RELA: variants seen among roughly 807,000 people sequenced by gnomAD.
RELA encodes RELA proto-oncogene, NF-kB subunit.
Under a neutral mutation model 56.7 loss-of-function variants are expected in RELA, and 14 were observed. That is an observed-to-expected ratio of 0.25 (90% CI 0.16 to 0.39). The LOEUF is 0.39. Ranked by LOEUF, RELA falls within the 10% of genes least tolerant of loss-of-function variation. RELA has a pLI of 1.00. For synonymous variants in RELA, 315 were observed against 289.7 expected (o/e 1.09, Z -0.89); for missense variants, 559 against 736.4 (o/e 0.76, Z 2.79).
At position 65,653,863 on chromosome 11, in the gene RELA, G is replaced by A. The variant is rs1856344549; in HGVS notation, c.*515C>T. On this transcript the variant is annotated 3_prime_UTR_variant, in exon 11 of 11. Coordinates refer to ENST00000406246, the MANE Select transcript of RELA (RefSeq NM_021975.4). ...TGGTTGAGCAAGGAAAGAGCCGGCA[G>A]AGACCTCTGTAGGGCAGGAAGGCCA... 1 of 186,168 alleles carries A rather than the reference G, an allele frequency of 5.4e-6. No individual in the cohort carries two copies. The highest frequency in any genetic ancestry group is 2.4e-5 in the African/African-American group (1 of 41,600). 11.5% of individuals were successfully genotyped at this position (186,168 alleles called of 1,614,324 possible).
At chr11:65,661,864 C>A (rs771377116) in intron 3 of RELA, 29 bp from the exon 4 acceptor site, 1 of 1,602,384 alleles carries the variant, frequency 6.2e-7, no homozygotes, top group Non-Finnish European at 8.5e-7. Flanking sequence ...CCCAGACATC[C>A]AAACCTGACT....
In RELA at chr11:65,658,861, G is replaced by A. The variant is rs369584835; in HGVS notation, c.560-39C>T. ...AACAAGGGAGGATGACCTGAGCCAC[G>A]AGAGGTCCCCAGGGTGGCCTGCAGG... is the stretch of plus-strand genomic sequence containing the variant. On this transcript the variant is annotated intron_variant, in intron 6 of 10. Coordinates refer to ENST00000406246, the MANE Select transcript of RELA (RefSeq NM_021975.4). The surrounding 1 kb of genome is among the most constrained non-coding windows in gnomAD (Gnocchi z 4.5). 1.1e-5 allele frequency: 17 copies of A among 1,555,192 alleles called. No individual in the cohort carries two copies. The highest frequency in any genetic ancestry group is 6.7e-5 in the East Asian group (3 of 44,534).
chr11:65,660,005 T>A, intron 5 of RELA, 119 bp downstream of exon 5: 3 of 1,190,090 alleles, frequency 2.5e-6, no homozygotes, highest in Middle Eastern at 2.3e-4. Flanking sequence ...AGTGGGAGAG[T>A]ACTGAATGGG....
At chr11:65,660,414 C>T (rs1856534737) in intron 4 of RELA, 199 bp from the exon 5 acceptor site, 2 of 601,568 alleles carry the variant, frequency 3.3e-6, no homozygotes, top group East Asian at 5.6e-5. Flanking sequence ...CTGCCCCTGC[C>T]AGCCTCCCTG....
Position 65,662,166 on chromosome 11 carries a change from G to A in RELA, c.34+13C>T, listed in dbSNP as rs1023023473. 2 of 1,590,266 alleles carry A rather than the reference G, an allele frequency of 1.3e-6. No individual in the cohort carries two copies. The highest frequency in any genetic ancestry group is 1.1e-5 in the South Asian group (1 of 88,442). On this transcript the variant is annotated intron_variant, in intron 2 of 10. Coordinates refer to ENST00000406246, the MANE Select transcript of RELA (RefSeq NM_021975.4). Reference sequence around the variant, plus strand: ...CAGGGAGCACCTCCCCGACCGCCGCGGGGGCCACTTACCTGCCGGGAAGAT... The same window carrying A: ...CAGGGAGCACCTCCCCGACCGCCGCAGGGGCCACTTACCTGCCGGGAAGAT...
rs757961591 is a variant in RELA at position 65,662,075 on chromosome 11, G to C, written c.48C>G (p.Ala16=). 8 of 1,610,900 alleles carry C rather than the reference G, an allele frequency of 5.0e-6. No homozygotes were observed. Among genetic ancestry groups the C allele is most frequent in the African/African-American group, 2.7e-5 (2 of 74,836 alleles). ...CAATGATCTCCACATAGGGGCCAGAGGCCTGGGCTGGCTCTGCCAGGGGAC... is the reference window on the plus strand; with the variant it reads ...CAATGATCTCCACATAGGGGCCAGACGCCTGGGCTGGCTCTGCCAGGGGAC... The part of the protein sequence containing the change: ...PLIFPAEPAQ[A]SGPYVEIIEQ... Residue 16 remains alanine (A), a synonymous_variant, in exon 3 of 11, where the codon GCC becomes GCG. Coordinates refer to ENST00000406246, the MANE Select transcript of RELA (RefSeq NM_021975.4).
intron 4 of RELA, chr11:65,660,753 G>A (rs902853101): frequency 6.4e-6 from 1 of 155,278 alleles, no homozygotes; most frequent in Admixed American, 6.4e-5. Context: ...GAGACACAGT[G>A]TCGGGCCGGG....
intron 10 of RELA, chr11:65,655,258 G>A: frequency 3.5e-6 from 2 of 576,622 alleles, no homozygotes; most frequent in Non-Finnish European, 6.1e-6. Context: ...GGGACACTTG[G>A]AGAGATAAGC....
In RELA at chr11:65,654,699, A is replaced by G. The variant is rs2135549147; in HGVS notation, c.1335T>C (p.Phe445=). ...TLSEALLQLQ[F]DDEDLGALLG... ...GCAAGGCCCCCAGGTCTTCATCATC[A>G]AACTGCAGCTGCAGCAGGGCCTCTG... is the stretch of plus-strand genomic sequence containing the variant. Residue 445 remains phenylalanine, a synonymous_variant, in exon 11 of 11, where the codon TTT becomes TTC. Coordinates refer to ENST00000406246, the MANE Select transcript of RELA (RefSeq NM_021975.4). 6.5e-7 allele frequency: 1 copy of G among 1,541,944 alleles called. No individual in the cohort carries two copies. Among genetic ancestry groups the G allele is most frequent in the Admixed American group, 2.1e-5 (1 of 48,304 alleles).
intron 8 of RELA, among the ~76,000 whole-genome samples, chr11:65,656,931 AG>A (rs1429482511): frequency 2.0e-5 from 3 of 152,200 alleles, no homozygotes; most frequent in Non-Finnish European, 2.9e-5. Flanking sequence ...AGGCTGAGGC[AG>A]GGAGAATCAC....
chr11:65,654,897 C>A lies in RELA; in HGVS notation c.1137G>T (p.Leu379Phe). The A allele has an allele frequency of 6.3e-7, 1 of 1,588,760 alleles. No individual in the cohort carries two copies. Among genetic ancestry groups the A allele is most frequent in the Non-Finnish European group, 8.6e-7 (1 of 1,167,646 alleles). ...PSGQISQASALAPAPPQVLPQ... is the reference protein window; with the variant it reads ...PSGQISQASAFAPAPPQVLPQ... ...GCAGGACTTGGGGAGGGGCCGGGGC[C>A]AAGGCCGAGGCCTGGCTGATCTGCC... is the stretch of plus-strand genomic sequence containing the variant. Residue 379 changes from leucine to phenylalanine, a missense_variant, in exon 11 of 11, where the codon TTG becomes TTT. Physicochemically the swap from Leu to Phe is conservative, Grantham distance 22. This residue lies in a region of RELA where 365 missense variants were observed against 387.5 expected (regional missense o/e 0.94). Coordinates refer to ENST00000406246, the MANE Select transcript of RELA (RefSeq NM_021975.4).
chr11:65,662,943 C>A, upstream of RELA: 1 of 947,962 alleles, frequency 1.1e-6, no homozygotes, highest in Non-Finnish European at 1.3e-6. Flanking sequence ...CGTCGCGTCA[C>A]TGCCCGGAAT....
intron 2 of RELA, 31 bp from the exon 3 acceptor site, chr11:65,662,119 G>A (rs1183102689): frequency 6.2e-7 from 1 of 1,602,482 alleles, no homozygotes; most frequent in Non-Finnish European, 8.5e-7. Flanking sequence ...CCCATTAGGC[G>A]GCTGCCCCCA....
Position 65,660,157 on chromosome 11 carries a change from G to C in RELA, c.394C>G (p.Gln132Glu). ...GGGTTGTTGTTGGTCTGGATGCGCTGACTGATAGCCTGCTCCAGGTCCCGC... is the reference window on the plus strand; with the variant it reads ...GGGTTGTTGTTGGTCTGGATGCGCTCACTGATAGCCTGCTCCAGGTCCCGC... The part of the protein sequence containing the change: ...KKRDLEQAIS[Q>E]RIQTNNNPFQ... The change falls in exon 5 of 11, where the codon CAG (glutamine) becomes GAG (glutamate). Residue 132 changes from glutamine to glutamate, a missense_variant. Coordinates refer to ENST00000406246, the MANE Select transcript of RELA (RefSeq NM_021975.4). The C allele has an allele frequency of 6.2e-7, 1 of 1,614,162 alleles. No homozygotes were observed. Among genetic ancestry groups the C allele is most frequent in the East Asian group, 2.2e-5 (1 of 44,888 alleles).
rs1048518409 is a variant in RELA, at chr11:65,658,198, C to T, written c.877+89G>A. 8.0e-6 allele frequency: 8 copies of T among 1,005,182 alleles called. No homozygotes were observed. The African/African-American group carries it at 1.3e-4, about 16-fold the overall frequency. The allele number at this position is 1,005,182 out of a possible 1,614,324, so 62.3% of individuals were successfully genotyped here. A position where few individuals can be genotyped will look rare whatever the true frequency, so the allele number is the denominator to read the frequency against. ...CCAAGCTCTGACTCCAGCTTCTGGC[C>T]CTCAACCACAGCCCCAGACATGCAG... On this transcript the variant is annotated intron_variant, in intron 8 of 10. Coordinates refer to ENST00000406246, the MANE Select transcript of RELA (RefSeq NM_021975.4). The surrounding 1 kb of genome is among the most constrained non-coding windows in gnomAD (Gnocchi z 4.5).
chr11:65,656,665 G>A (rs1275565644), intron 8 of RELA, among the ~76,000 whole-genome samples: 1 of 152,178 alleles, frequency 6.6e-6, no homozygotes, highest in Non-Finnish European at 1.5e-5. Flanking sequence ...ATGCACACAA[G>A]GTGTCTGCTC....
chr11:65,660,263 C>A (rs371692303), intron 4 of RELA, 48 bp from the exon 5 acceptor site: 3 of 1,570,902 alleles, frequency 1.9e-6, no homozygotes, highest in South Asian at 1.1e-5. Flanking sequence ...AGAGCCCAGA[C>A]CTTCCTGCCT....
chr11:65,656,159 G>A (rs1856422202), intron 8 of RELA, among the ~76,000 whole-genome samples: 1 of 152,178 alleles, frequency 6.6e-6, no homozygotes, highest in Admixed American at 6.5e-5. Context: ...ACCACATGGT[G>A]AGGCCGAGTA....
Position 65,654,173 on chromosome 11 carries a change from G to C in RELA, c.*205C>G. The stretch of plus-strand genomic sequence containing the variant: ...CCCCAGCTCCCCCCTTTCCAGAGAA[G>C]TTAATGCTTCTGCTTAAGCACCTCC... On this transcript the variant is annotated 3_prime_UTR_variant, in exon 11 of 11. Transcript: ENST00000406246. 2.8e-6 allele frequency: 2 copies of C among 718,738 alleles called. No homozygotes were observed. Among genetic ancestry groups the C allele is most frequent in the Non-Finnish European group, 4.9e-6 (2 of 409,548 alleles). The allele number at this position is 718,738 out of a possible 1,614,324, so 44.5% of individuals were successfully genotyped here.
Sources: allele counts gnomAD v4.1 joint callset (sites outside exome capture counted in the v4.1 genomes callset), GRCh38; gene constraint gnomAD v4.1.1; regional missense constraint gnomAD v4.1.1; non-coding constraint Gnocchi (gnomAD v3.1); transcripts MANE v1.5; gene names NCBI Gene and HGNC (gene_info 2026-07-23, HGNC 2026-07-21).